Variants in OR56A3 observed in about 807,000 individuals in gnomAD.
OR56A3 encodes the protein olfactory receptor 56A3.
OR56A3 carries 23 observed loss-of-function variants against 17.5 expected under a neutral mutation model. The ratio of observed to expected loss-of-function variants is 1.32; its 90% confidence interval spans 0.95 to 1.87. The LOEUF (loss-of-function observed/expected upper bound fraction) is 1.87, where lower values mean the gene tolerates loss of function less well. Ranked by LOEUF, OR56A3 falls within the 40% of genes most tolerant of loss-of-function variation. The probability of loss-of-function intolerance (pLI) is 0.00; values close to 1 mark genes in which losing one functional copy is unlikely to be tolerated. For missense variants in OR56A3, 366 were observed against 380.1 expected, an observed-to-expected ratio of 0.96 and a Z score of 0.31; for synonymous variants, 175 against 150.6, an observed-to-expected ratio of 1.16 and a Z score of -1.19.
the OR56A3 span, among the ~76,000 whole-genome samples, chr11:5,990,947 G>T: frequency 7.9e-5 from 12 of 152,132 alleles, no homozygotes; most frequent in African/African-American, 2.9e-4. Context: ...ATTCAAGAAG[G>T]TTCCACTACA....
the OR56A3 span, chr11:6,003,111 A>G: frequency 1.9e-6 from 3 of 1,597,790 alleles, no homozygotes; most frequent in South Asian, 1.1e-5. Context: ...GAGGCCCTGT[A>G]TCTGTCCCAA....
chr11:5,995,923 T>C, the OR56A3 span, among the ~76,000 whole-genome samples: 3 of 152,218 alleles, frequency 2.0e-5, no homozygotes, highest in Non-Finnish European at 1.5e-5. Context: ...GTAACCACCA[T>C]TCTACTCTCA....
At chr11:5,961,510 G>C in the OR56A3 span, among the ~76,000 whole-genome samples, 1 of 151,816 alleles carries the variant, frequency 6.6e-6, no homozygotes, top group Non-Finnish European at 1.5e-5. Context: ...GATTAAGGGC[G>C]GTGCAAGATG....
the OR56A3 span, among the ~76,000 whole-genome samples, chr11:5,992,674 C>T: frequency 6.6e-6 from 1 of 152,300 alleles, no homozygotes; most frequent in East Asian, 1.9e-4. Flanking sequence ...AATAGGGCTT[C>T]TCCAACAGTC....
At chr11:5,977,155 A>G in the OR56A3 span, among the ~76,000 whole-genome samples, 2 of 152,166 alleles carry the variant, frequency 1.3e-5, no homozygotes, top group Non-Finnish European at 2.9e-5. Flanking sequence ...TGCTATTGTG[A>G]ATAGTGCTCC....
the OR56A3 span, among the ~76,000 whole-genome samples, chr11:5,982,234 T>A: frequency 6.6e-6 from 1 of 152,106 alleles, no homozygotes; most frequent in Non-Finnish European, 1.5e-5. Flanking sequence ...TTTAATGGCA[T>A]AGTGGGGTCC....
the OR56A3 span, among the ~76,000 whole-genome samples, chr11:5,998,611 G>A: frequency 6.6e-6 from 1 of 152,124 alleles, no homozygotes; most frequent in African/African-American, 2.4e-5. Flanking sequence ...TTTGAGAGAA[G>A]TTGCAGAAGT....
the OR56A3 span, chr11:6,003,100 T>C: frequency 6.2e-7 from 1 of 1,606,196 alleles, no homozygotes; most frequent in East Asian, 2.2e-5. Flanking sequence ...GGGTTTCCAC[T>C]GAGGCCCTGT....
intron 2 of OR56A3, among the ~76,000 whole-genome samples, chr11:5,947,051 T>A (rs1847874008): frequency 7.0e-6 from 1 of 142,802 alleles, no homozygotes; most frequent in Non-Finnish European, 1.6e-5. Flanking sequence ...TTCTCCTTTT[T>A]AGTTTCTCTA....
In OR56A3 at chr11:5,948,497, C is replaced by T. The variant is rs541277261; in HGVS notation, c.*203C>T. ...CTCAGAAATATTCTTGGCCCTCTCTCGTTTTATTCCATGCTTATAATCATA... is the reference window on the plus strand; with the variant it reads ...CTCAGAAATATTCTTGGCCCTCTCTTGTTTTATTCCATGCTTATAATCATA... On this transcript the variant is annotated 3_prime_UTR_variant, in exon 3 of 3. Coordinates refer to ENST00000641160, the MANE Select transcript of OR56A3 (RefSeq NM_001003443.3). 3.9e-5 allele frequency: 21 copies of T among 532,030 alleles called. No individual in the cohort carries two copies. The highest frequency in any genetic ancestry group is 6.3e-5 in the South Asian group (2 of 31,898). 33.0% of individuals were successfully genotyped at this position (532,030 alleles called of 1,614,324 possible). A position where few individuals can be genotyped will look rare whatever the true frequency, so the allele number is the denominator to read the frequency against.
chr11:6,012,336 CA>C, the OR56A3 span, among the ~76,000 whole-genome samples: 1 of 152,194 alleles, frequency 6.6e-6, no homozygotes, highest in East Asian at 1.9e-4. Context: ...CTCCTTTCTG[CA>C]GATAGGTCAT....
At chr11:5,968,787 CA>C in the OR56A3 span, among the ~76,000 whole-genome samples, 1 of 151,464 alleles carries the variant, frequency 6.6e-6, no homozygotes, top group East Asian at 1.9e-4. Context: ...CTGTAAAATA[CA>C]AAAAAAATTC....
chr11:5,994,505 A>C, the OR56A3 span: 42 of 821,588 alleles, frequency 5.1e-5, no homozygotes, highest in African/African-American at 6.5e-4. Context: ...TAGGCCTTTT[A>C]CTTCCTTTTC....
chr11:5,988,883 A>AAT, the OR56A3 span, among the ~76,000 whole-genome samples: 1 of 152,232 alleles, frequency 6.6e-6, no homozygotes, highest in African/African-American at 2.4e-5. Flanking sequence ...CGTAGTCTGA[A>AAT]ATAACTGTAT....
At chr11:5,952,973 A>T (rs562623416), downstream of OR56A3, among the ~76,000 whole-genome samples, 1 of 152,304 alleles carries the variant, frequency 6.6e-6, no homozygotes, top group South Asian at 2.1e-4. Flanking sequence ...CTTGCTGCAA[A>T]GGACAAGATT....
the OR56A3 span, among the ~76,000 whole-genome samples, chr11:5,975,770 G>T: frequency 2.0e-5 from 3 of 151,984 alleles, no homozygotes; most frequent in Admixed American, 1.3e-4. Flanking sequence ...CTAGATCCCT[G>T]AGGAATCGCC....
the OR56A3 span, among the ~76,000 whole-genome samples, chr11:6,008,342 T>A: frequency 0.2 from 31,022 of 152,134 alleles, 3,401 homozygotes; most frequent in African/African-American, 0.27. Context: ...CCAAGGACAA[T>A]GGAAGCATCA....
the OR56A3 span, among the ~76,000 whole-genome samples, chr11:6,013,882 C>G: frequency 0.22 from 33,159 of 152,010 alleles, 4,436 homozygotes; most frequent in East Asian, 0.51. Context: ...TCCCAGCAAC[C>G]TGTGCATGCC....
chr11:5,943,052 G>A (rs1847848391), intron 1 of OR56A3, among the ~76,000 whole-genome samples: 1 of 152,174 alleles, frequency 6.6e-6, no homozygotes, highest in Non-Finnish European at 1.5e-5. Context: ...TGTGCCATTG[G>A]CAAGTTTTGA....
Sources: gnomAD v4.1 joint callset for allele counts (sites outside exome capture counted in the v4.1 genomes callset) on GRCh38, gnomAD v4.1.1 for gene constraint, MANE v1.5 for transcripts, NCBI Gene and HGNC (gene_info 2026-07-23, HGNC 2026-07-21) for gene names.